TMEM63C: variants seen among roughly 807,000 people sequenced by gnomAD.
TMEM63C encodes the protein osmosensitive cation channel TMEM63C.
TMEM63C carries 32 observed loss-of-function variants against 99.2 expected under a neutral mutation model. That is an observed-to-expected ratio of 0.32 (90% CI 0.24 to 0.43). The LOEUF is 0.43. TMEM63C is among the 20% of genes least tolerant of loss of function. TMEM63C has a pLI of 1.00. For synonymous variants in TMEM63C, 376 were observed against 397.9 expected (o/e 0.94, Z 0.66); for missense variants, 826 against 1,053.0 (o/e 0.78, Z 2.98).
At position 77,249,409 on chromosome 14, in the gene TMEM63C, G is replaced by C. The variant is rs769084272; in HGVS notation, c.1989G>C (p.Ala663=). 6.2e-7 allele frequency: 1 copy of C among 1,614,012 alleles called. No homozygotes were observed. Among genetic ancestry groups the C allele is most frequent in the Non-Finnish European group, 8.5e-7 (1 of 1,179,896 alleles). Residue 663 remains alanine, a synonymous_variant, in exon 21 of 24, where the codon GCG becomes GCC. Coordinates refer to ENST00000298351, the MANE Select transcript of TMEM63C (RefSeq NM_020431.4). ...CTGCCGTCTCCCAGGCCATCTTTGC[G>C]CCACTCTTGGGTCTGTTCTGGATGC... The part of the protein sequence containing the change: ...HMAAVSQAIF[A]PLLGLFWMLF...
At chr14:77,225,312 G>A in intron 5 of TMEM63C, 112 bp from the exon 6 acceptor site, 1 of 842,244 alleles carries the variant, frequency 1.2e-6, no homozygotes, top group Non-Finnish European at 1.8e-6. Context: ...CAGGAAGGAG[G>A]CCCCGGACGC....
intron 23 of TMEM63C, among the ~76,000 whole-genome samples, chr14:77,254,660 T>C (rs1162171459): frequency 6.6e-6 from 1 of 152,162 alleles, no homozygotes; most frequent in East Asian, 1.9e-4. Context: ...CAATATAGAG[T>C]CCAGGGCACC....
At chr14:77,237,284 CT>C (rs1189364823) in intron 9 of TMEM63C, among the ~76,000 whole-genome samples, 2 of 152,250 alleles carry the variant, frequency 1.3e-5, no homozygotes, top group Non-Finnish European at 2.9e-5. Context: ...CTGCCCACCC[CT>C]GCTAGGCCCG....
chr14:77,242,511 G>T, intron 14 of TMEM63C, 42 bp downstream of exon 14: 1 of 1,605,956 alleles, frequency 6.2e-7, no homozygotes. Context: ...GAGCTCCTCT[G>T]AGACTGAAGA....
At chr14:77,224,099 A>C (rs111490352) in intron 5 of TMEM63C, among the ~76,000 whole-genome samples, 3,012 of 152,074 alleles carry the variant, frequency 0.02, 92 homozygotes, top group African/African-American at 0.069. Flanking sequence ...GCATAGCTGG[A>C]GGAATGTCCT....
rs559227190 is a variant in TMEM63C at position 77,239,595 on chromosome 14, G to A, written c.807-8G>A. On this transcript the variant is annotated splice_region_variant and splice_polypyrimidine_tract_variant and intron_variant, in intron 11 of 23. Coordinates refer to ENST00000298351, the MANE Select transcript of TMEM63C (RefSeq NM_020431.4). ...GCAGGTCCTTCTCCTGTTGCCCACC[G>A]CTGGCAGGCGCCATGCCATGCGGGG... 2.6e-5 allele frequency: 42 copies of A among 1,613,220 alleles called. No individual in the cohort carries two copies. Among genetic ancestry groups the A allele is most frequent in the Admixed American group, 3.3e-5 (2 of 59,982 alleles).
chr14:77,243,126 A>AT (rs1386284304), intron 15 of TMEM63C, 70 bp downstream of exon 15: 1 of 1,576,660 alleles, frequency 6.3e-7, no homozygotes. Context: ...CGAGGATGGG[A>AT]TGGGGGGAGC....
intron 1 of TMEM63C, among the ~76,000 whole-genome samples, chr14:77,186,898 C>T (rs537944562): frequency 1.9e-4 from 29 of 151,906 alleles, no homozygotes; most frequent in African/African-American, 7.0e-4. Context: ...AGGGATCCTT[C>T]CTTGGCTGGC....
At chr14:77,244,781 G>A (rs1481292533) in intron 16 of TMEM63C, among the ~76,000 whole-genome samples, 3 of 152,254 alleles carry the variant, frequency 2.0e-5, no homozygotes, top group Non-Finnish European at 4.4e-5. Context: ...GAGCTAGGCA[G>A]TCCCAGGCAT....
intron 1 of TMEM63C, among the ~76,000 whole-genome samples, chr14:77,205,689 G>A (rs559017668): frequency 2.0e-5 from 3 of 152,304 alleles, no homozygotes; most frequent in South Asian, 2.1e-4. Flanking sequence ...GCCTTCCATC[G>A]GCTGGAGCTG....
At chr14:77,249,242 G>A (rs753833908) in intron 20 of TMEM63C, 49 bp from the exon 21 acceptor site, 3 of 1,597,096 alleles carry the variant, frequency 1.9e-6, no homozygotes, top group African/African-American at 1.3e-5. Flanking sequence ...AGCCACAAAG[G>A]TCCAGACTTG....
chr14:77,231,654 C>T lies in TMEM63C; in HGVS notation c.417C>T (p.Leu139=), dbSNP rs1566626525. ...ARIYIVFQYH[L]IIFVLIICIP... is the part of the protein sequence containing the mutation. ...TCTACATCGTGTTCCAGTACCACCT[C>T]ATCATCTTTGTGCTCATCATCTGTA... Residue 139 remains leucine, a synonymous_variant, in exon 7 of 24, where the codon CTC becomes CTT. Coordinates refer to ENST00000298351, the MANE Select transcript of TMEM63C (RefSeq NM_020431.4). 1 of 1,551,558 alleles carries T rather than the reference C, an allele frequency of 6.4e-7. No individual in the cohort carries two copies.
At chr14:77,200,424 C>T (rs1204817907) in intron 1 of TMEM63C, among the ~76,000 whole-genome samples, 3 of 152,350 alleles carry the variant, frequency 2.0e-5, no homozygotes, top group South Asian at 4.1e-4. Flanking sequence ...TAGAGAGCTC[C>T]CACTATGGTA....
At chr14:77,182,414 T>TC (rs1306919956) in intron 1 of TMEM63C, among the ~76,000 whole-genome samples, 1 of 152,180 alleles carries the variant, frequency 6.6e-6, no homozygotes, top group Non-Finnish European at 1.5e-5. Context: ...TGCCACCCTT[T>TC]CCCCATGTGC....
In TMEM63C at chr14:77,246,676, T is replaced by A; in HGVS notation, c.1601+2T>A. 5.0e-6 allele frequency: 8 copies of A among 1,612,680 alleles called. No homozygotes were observed. Among genetic ancestry groups the A allele is most frequent in the Non-Finnish European group, 6.8e-6 (8 of 1,179,124 alleles). On this transcript the variant is annotated splice_donor_variant, in intron 18 of 23. Coordinates refer to ENST00000298351, the MANE Select transcript of TMEM63C (RefSeq NM_020431.4). LOFTEE classifies it high-confidence loss of function. ...AGAGCAAGCATCCATCAGGTTCCAG[T>A]GAGTACTCCCATGTGTCCACCAGGG...
Position 77,218,919 on chromosome 14 carries a change from G to A in TMEM63C, c.106G>A (p.Gly36Arg). 2 of 1,609,726 alleles carry A rather than the reference G, an allele frequency of 1.2e-6. No homozygotes were observed. The highest frequency in any genetic ancestry group is 1.7e-6 in the Non-Finnish European group (2 of 1,178,070). The change falls in exon 3 of 24, where the codon GGG becomes AGG. Residue 36 changes from glycine to arginine, a missense_variant. By Grantham distance (125) the Gly-to-Arg change is moderately radical. Coordinates refer to ENST00000298351, the MANE Select transcript of TMEM63C (RefSeq NM_020431.4). ...RNTVLQGQPF[G>R]GVPTVLCLNI... ...CACCGTCCTCCAGGGGCAGCCCTTT[G>A]GGGGTGTCCCCACCGTGCTGTGCCT...
intron 6 of TMEM63C, among the ~76,000 whole-genome samples, chr14:77,225,830 G>C (rs1357733499): frequency 6.6e-6 from 1 of 151,872 alleles, no homozygotes; most frequent in Non-Finnish European, 1.5e-5. Flanking sequence ...TCATGTGTTC[G>C]CCCTTCTGCC....
intron 5 of TMEM63C, among the ~76,000 whole-genome samples, chr14:77,220,869 G>C (rs116946248): frequency 0.4 from 19,617 of 49,578 alleles, 4,421 homozygotes; most frequent in Middle Eastern, 0.59. Context: ...CTCACGCCCC[G>C]CCTCCCACTC....
At chr14:77,223,677 C>CAGAG (rs148410431) in intron 5 of TMEM63C, among the ~76,000 whole-genome samples, 1 of 139,662 alleles carries the variant, frequency 7.2e-6, no homozygotes, top group Non-Finnish European at 1.6e-5. Flanking sequence ...ATGAGAGAGA[C>CAGAG]AGAGAGAGAG....
Sources: allele counts gnomAD v4.1 joint callset (sites outside exome capture counted in the v4.1 genomes callset), GRCh38; gene constraint gnomAD v4.1.1; transcripts MANE v1.5; gene names NCBI Gene and HGNC (gene_info 2026-07-23, HGNC 2026-07-21).